NDUFAF5: variants seen among roughly 807,000 people sequenced by gnomAD.
The protein encoded by NDUFAF5 is arginine-hydroxylase NDUFAF5, mitochondrial.
A neutral mutation model predicts 48.9 loss-of-function variants in NDUFAF5; 34 were observed. That is an observed-to-expected ratio of 0.70 (90% CI 0.53 to 0.93). The LOEUF (loss-of-function observed/expected upper bound fraction) is 0.93. NDUFAF5 is among the 40% of genes least tolerant of loss of function. The pLI is 0.00. For synonymous variants in NDUFAF5, 153 were observed against 150.6 expected (o/e 1.02, Z -0.12); for missense variants, 428 against 427.5 (o/e 1.00, Z -0.01).
At chr20:13,806,717 C>T (rs1985065015) in intron 7 of NDUFAF5, among the ~76,000 whole-genome samples, 2 of 152,108 alleles carry the variant, frequency 1.3e-5, no homozygotes, top group Admixed American at 1.3e-4. Flanking sequence ...TTAGGATCTC[C>T]TCTTAAAAAC....
In NDUFAF5 at chr20:13,794,822, G is replaced by A. The variant is rs545505753; in HGVS notation, c.376-16G>A. On this transcript the variant is annotated splice_polypyrimidine_tract_variant and intron_variant, in intron 4 of 10. Transcript: ENST00000378106. ...TACATAAATGTGATTTTGATCTTTC[G>A]TTTTCTTAACATTAGAAAAATTCCT... is the stretch of plus-strand genomic sequence containing the variant. 1.8e-5 allele frequency: 27 copies of A among 1,467,152 alleles called. No homozygotes were observed. The highest frequency in any genetic ancestry group is 2.3e-5 in the East Asian group (1 of 44,122). 90.9% of individuals were successfully genotyped at this position (1,467,152 alleles called of 1,614,324 possible). A position where few individuals can be genotyped will look rare whatever the true frequency, so the allele number is the denominator to read the frequency against.
chr20:13,801,851 T>C (rs1158062098), intron 7 of NDUFAF5, 168 bp downstream of exon 7: 1 of 609,108 alleles, frequency 1.6e-6, no homozygotes, highest in Non-Finnish European at 2.9e-6. Context: ...TTAGTTTGTA[T>C]AACACATCTT....
chr20:13,813,228 G>A (rs4813145), intron 8 of NDUFAF5, among the ~76,000 whole-genome samples: 68,318 of 152,070 alleles, frequency 0.45, 15,641 homozygotes, highest in Middle Eastern at 0.54. Flanking sequence ...GGGATTACAG[G>A]TGTGAGTCTC....
At position 13,787,271 on chromosome 20, in the gene NDUFAF5, T is replaced by C. The variant is rs200881492; in HGVS notation, c.223-41T>C. The C allele has an allele frequency of 9.3e-6, 15 of 1,606,110 alleles. No individual in the cohort carries two copies. The Middle Eastern group carries it at 5.0e-4, about 53-fold the overall frequency. On this transcript the variant is annotated intron_variant, in intron 1 of 10. Transcript: ENST00000378106. ...GGATTGTTGAATACTGGAAAAAGAG[T>C]GTTACTTCCCCGTTAACCTACGCCT...
rs148305100 is a variant in NDUFAF5, at chr20:13,816,510, C to T, written c.826C>T (p.Arg276Ter). 127 of 1,614,072 alleles carry T rather than the reference C, an allele frequency of 7.9e-5. No individual in the cohort carries two copies. The highest frequency in any genetic ancestry group is 1.3e-4 in the Admixed American group (8 of 60,020). The part of the protein sequence containing the change: ...CAWNRKALLH[R>*]DTMLAAAAVY... ...TTGGAATAGAAAAGCCCTGCTGCAT[C>T]GAGACACAATGCTGGCAGCTGCGGC... Residue 276 changes from arginine (R) to a stop codon, truncating the protein, a stop_gained, in exon 9 of 11, where the codon CGA (arginine) becomes TGA (stop). Transcript: ENST00000378106. LOFTEE classifies it high-confidence loss of function.
At chr20:13,803,344 G>T (rs570305621) in intron 7 of NDUFAF5, 1 of 152,312 alleles carries the variant, frequency 6.6e-6, no homozygotes, top group Admixed American at 6.5e-5. Context: ...AGGTTGCTCG[G>T]CTAGAAAGCG....
chr20:13,820,547 A>T lies in NDUFAF5; in HGVS notation c.*3337A>T, dbSNP rs1986914432. The stretch of plus-strand genomic sequence containing the variant: ...TGTCTCTACAAATAAAAAAAAAATT[A>T]GCCAGGCATGGTGGCACAAGCCTGT... On this transcript the variant is annotated 3_prime_UTR_variant, in exon 11 of 11. Coordinates refer to ENST00000378106, the MANE Select transcript of NDUFAF5 (RefSeq NM_024120.5). 6.6e-6 allele frequency: 1 copy of T among 152,088 alleles called. No homozygotes were observed. Among genetic ancestry groups the T allele is most frequent in the East Asian group, 1.9e-4 (1 of 5,180 alleles). The allele number at this position is 152,088 out of a possible 1,614,324, so 9.4% of individuals were successfully genotyped here.
chr20:13,790,063 A>G (rs967666983), intron 3 of NDUFAF5, among the ~76,000 whole-genome samples: 7 of 152,196 alleles, frequency 4.6e-5, no homozygotes, highest in African/African-American at 1.7e-4. Context: ...GAGGAAAGGC[A>G]CAGAGGTAGA....
chr20:13,798,421 G>A (rs780998800), intron 5 of NDUFAF5, 40 bp from the exon 6 acceptor site: 2 of 1,468,202 alleles, frequency 1.4e-6, no homozygotes, highest in Non-Finnish European at 1.9e-6. Flanking sequence ...AATTAATTGT[G>A]CCAGTTAAGC....
At chr20:13,805,374 A>G (rs1984844937) in intron 7 of NDUFAF5, among the ~76,000 whole-genome samples, 1 of 152,258 alleles carries the variant, frequency 6.6e-6, no homozygotes, top group Admixed American at 6.5e-5. Context: ...AAAGATTTCT[A>G]CTAAAAATGT....
chr20:13,796,934 G>A lies in NDUFAF5; in HGVS notation c.480-1527G>A, dbSNP rs139996382. 1.3e-3 allele frequency among the ~76,000 whole-genome samples: 193 copies of A among 152,254 alleles called. 3 individuals are homozygous for A. In the East Asian group the frequency reaches 0.033, roughly 26 times the overall value. ...GCAGAGGTTGCAGTGAGCCAAGATCGCGCCACTGCACTCCAGCCTGGGCAA... is the reference window on the plus strand; with the variant it reads ...GCAGAGGTTGCAGTGAGCCAAGATCACGCCACTGCACTCCAGCCTGGGCAA... On this transcript the variant is annotated intron_variant, in intron 5 of 10. Coordinates refer to ENST00000378106, the MANE Select transcript of NDUFAF5 (RefSeq NM_024120.5).
chr20:13,801,694 A>G lies in NDUFAF5; in HGVS notation c.717+11A>G, dbSNP rs757069122. On this transcript the variant is annotated intron_variant, in intron 7 of 10. Transcript: ENST00000378106. The stretch of plus-strand genomic sequence containing the variant: ...AATACTCTGACTGTGGTAACTATCA[A>G]GTTCGATTAACCCATAACTTACACA... 1.9e-6 allele frequency: 3 copies of G among 1,609,844 alleles called. 1 individual carries two copies. Among genetic ancestry groups the G allele is most frequent in the South Asian group, 2.2e-5 (2 of 90,990 alleles).
chr20:13,798,580 A>G, intron 6 of NDUFAF5, 80 bp downstream of exon 6: 6 of 1,132,082 alleles, frequency 5.3e-6, no homozygotes, highest in Non-Finnish European at 8.1e-6. Flanking sequence ...CTATTTTCAC[A>G]TACTATTTAC....
intron 6 of NDUFAF5, among the ~76,000 whole-genome samples, chr20:13,799,038 T>A (rs1010996758): frequency 9.2e-5 from 14 of 152,044 alleles, no homozygotes; most frequent in African/African-American, 3.4e-4. Flanking sequence ...GTAGGTAAAG[T>A]TTGGATTGGG....
intron 7 of NDUFAF5, 39 bp from the exon 8 acceptor site, chr20:13,808,803 A>G: frequency 2.2e-6 from 3 of 1,375,192 alleles, no homozygotes; most frequent in Non-Finnish European, 3.1e-6. Flanking sequence ...ATTTTGTATC[A>G]TGAATGTCAA....
At position 13,794,850 on chromosome 20, in the gene NDUFAF5, GA is replaced by G; in HGVS notation, c.391del (p.Thr131GlnfsTer9). On this transcript the variant is annotated frameshift_variant, in exon 5 of 11. Coordinates refer to ENST00000378106, the MANE Select transcript of NDUFAF5 (RefSeq NM_024120.5). LOFTEE classifies it high-confidence loss of function. ...IAENALKNSS[E>X]TEIPTVSVLA... Reference sequence around the variant, plus strand: ...TTCTTAACATTAGAAAAATTCCTCAGAAACAGAAATACCTACTGTCAGCGTT... The same window carrying G: ...TTCTTAACATTAGAAAAATTCCTCAGAACAGAAATACCTACTGTCAGCGTT... 1 of 1,608,268 alleles carries G rather than the reference GA, an allele frequency of 6.2e-7. No homozygotes were observed.
Position 13,790,706 on chromosome 20 carries a change from C to G in NDUFAF5, c.327+2054C>G, listed in dbSNP as rs181346493. ...CTGTTTTTTTATCATGTCTCTGATC[C>G]CATCTTCTTCCTTTCACTCCCAACT... On this transcript the variant is annotated intron_variant, in intron 3 of 10. Coordinates refer to ENST00000378106, the MANE Select transcript of NDUFAF5 (RefSeq NM_024120.5). Among the ~76,000 whole-genome samples the G allele has an allele frequency of 7.2e-5, 11 of 152,210 alleles. No homozygotes were observed. In the East Asian group the frequency reaches 2.1e-3, roughly 29 times the overall value.
intron 1 of NDUFAF5, 35 bp from the exon 2 acceptor site, chr20:13,787,276 CT>C: frequency 6.2e-7 from 1 of 1,611,040 alleles, no homozygotes; most frequent in South Asian, 1.1e-5. Flanking sequence ...AAGAGTGTTA[CT>C]TCCCCGTTAA....
At position 13,818,993 on chromosome 20, in the gene NDUFAF5, G is replaced by A. The variant is rs561753563; in HGVS notation, c.*1783G>A. ...ATGTGGATGGTGGGGTGGAGCTAAG[G>A]ATTACTCTACTCTGGCTATCCCAAA... On this transcript the variant is annotated 3_prime_UTR_variant, in exon 11 of 11. Transcript: ENST00000378106. The A allele has an allele frequency of 8.5e-5, 13 of 152,262 alleles. No individual in the cohort carries two copies. Among genetic ancestry groups the A allele is most frequent in the Middle Eastern group, 3.4e-3 (1 of 294 alleles). The allele number at this position is 152,262 out of a possible 1,614,324, so 9.4% of individuals were successfully genotyped here.
Sources: allele counts gnomAD v4.1 joint callset (sites outside exome capture counted in the v4.1 genomes callset), GRCh38; gene constraint gnomAD v4.1.1; transcripts MANE v1.5; gene names NCBI Gene and HGNC (gene_info 2026-07-23, HGNC 2026-07-21).